The following NKAIN3 variants were observed in gnomAD, a reference collection of about 807,000 sequenced individuals.
NKAIN3 encodes sodium/potassium transporting ATPase interacting 3, also known as sodium/potassium-transporting ATPase subunit beta-1-interacting protein 3.
Under a neutral mutation model 30.2 loss-of-function variants are expected in NKAIN3, and 25 were observed. The observed-to-expected ratio is 0.83, with a 90% confidence interval of 0.60 to 1.16. NKAIN3 has a LOEUF of 1.16. Ranked by LOEUF, NKAIN3 falls within the 50% of genes most tolerant of loss-of-function variation. NKAIN3 has a pLI of 0.00. For synonymous variants in NKAIN3, 91 were observed against 89.6 expected (o/e 1.02, Z -0.09); for missense variants, 225 against 254.1 (o/e 0.89, Z 0.78).
intron 1 of NKAIN3, among the ~76,000 whole-genome samples, chr8:62,456,056 T>C (rs1447232995): frequency 1.3e-5 from 2 of 152,196 alleles, no homozygotes; most frequent in Non-Finnish European, 2.9e-5. Context: ...CAAAGCTAGA[T>C]GGCACAAAAT....
At position 62,966,548 on chromosome 8, in the gene NKAIN3, TC is replaced by T; in HGVS notation, c.*1143del. 8.4e-6 allele frequency: 2 copies of T among 237,148 alleles called. No homozygotes were observed. Among genetic ancestry groups the T allele is most frequent in the South Asian group, 1.5e-4 (1 of 6,458 alleles). 14.7% of individuals were successfully genotyped at this position (237,148 alleles called of 1,614,324 possible). ...GGCCTCAATCAAAATGCAGAACATT[TC>T]CGTCACTTTAAAAAATTCCCTTATG... On this transcript the variant is annotated 3_prime_UTR_variant, in exon 7 of 7. Coordinates refer to ENST00000623646, the MANE Select transcript of NKAIN3 (RefSeq NM_001304533.3).
intron 4 of NKAIN3, among the ~76,000 whole-genome samples, chr8:62,764,519 G>T (rs1816773427): frequency 1.3e-5 from 2 of 151,926 alleles, no homozygotes; most frequent in Non-Finnish European, 2.9e-5. Context: ...AGGCTGGAGT[G>T]CAGTGGCATG....
At chr8:62,296,149 T>C (rs1813821732) in intron 1 of NKAIN3, among the ~76,000 whole-genome samples, 1 of 152,140 alleles carries the variant, frequency 6.6e-6, no homozygotes, top group Non-Finnish European at 1.5e-5. Flanking sequence ...AAAGAAGAGT[T>C]GTTAAGGAGA....
At chr8:62,595,168 T>C (rs1337287531) in intron 3 of NKAIN3, among the ~76,000 whole-genome samples, 1 of 151,956 alleles carries the variant, frequency 6.6e-6, no homozygotes, top group East Asian at 1.9e-4. Context: ...ACTAAAGTCA[T>C]GGTTAATATT....
chr8:62,485,070 G>A (rs1033171618), intron 1 of NKAIN3, among the ~76,000 whole-genome samples: 2 of 152,162 alleles, frequency 1.3e-5, no homozygotes, highest in African/African-American at 4.8e-5. Context: ...AGGAACAACA[G>A]AGCCCTGCCC....
chr8:62,444,455 C>T (rs886957274), intron 1 of NKAIN3, among the ~76,000 whole-genome samples: 1 of 152,162 alleles, frequency 6.6e-6, no homozygotes, highest in Non-Finnish European at 1.5e-5. Flanking sequence ...ACTTTTTTAG[C>T]TTCCACCTGT....
chr8:62,900,067 GA>G (rs761332602), intron 4 of NKAIN3, among the ~76,000 whole-genome samples: 41 of 150,788 alleles, frequency 2.7e-4, no homozygotes, highest in Middle Eastern at 6.8e-3. Context: ...TACCATTCAT[GA>G]AAAAAAGTTC....
At position 62,978,778 on chromosome 8, in the gene NKAIN3, C is replaced by G. The variant is rs1735886477; in HGVS notation, c.*13371C>G. On this transcript the variant is annotated 3_prime_UTR_variant, in exon 7 of 7. Coordinates refer to ENST00000623646, the MANE Select transcript of NKAIN3 (RefSeq NM_001304533.3). Reference sequence around the variant, plus strand: ...CTCTGGGGTACGAAAAAAACTCCTACAGCTAGCTCAGTGTCTGCCCAAATG... The same window carrying G: ...CTCTGGGGTACGAAAAAAACTCCTAGAGCTAGCTCAGTGTCTGCCCAAATG... 1 of 153,160 alleles carries G rather than the reference C, an allele frequency of 6.5e-6. No individual in the cohort carries two copies. The highest frequency in any genetic ancestry group is 1.5e-5 in the Non-Finnish European group (1 of 68,230). 9.5% of individuals were successfully genotyped at this position (153,160 alleles called of 1,614,324 possible).
At chr8:62,313,504 A>G (rs1814513941) in intron 1 of NKAIN3, among the ~76,000 whole-genome samples, 1 of 152,184 alleles carries the variant, frequency 6.6e-6, no homozygotes, top group African/African-American at 2.4e-5. Flanking sequence ...ACTAGGATGT[A>G]AGTTGGAATG....
intron 1 of NKAIN3, among the ~76,000 whole-genome samples, chr8:62,317,193 G>A (rs1009393580): frequency 2.0e-5 from 3 of 152,108 alleles, no homozygotes; most frequent in African/African-American, 7.2e-5. Flanking sequence ...CAGATAAGTG[G>A]ATTGCAAAAA....
intron 3 of NKAIN3, among the ~76,000 whole-genome samples, chr8:62,746,715 G>A (rs560404538): frequency 6.6e-6 from 1 of 152,254 alleles, no homozygotes; most frequent in South Asian, 2.1e-4. Context: ...AATGTTAATA[G>A]TAATCAAAGG....
rs535778408 is a variant in NKAIN3, at chr8:62,863,422, G to A, written c.472-55031G>A. ...GTTTTGCGGCTTTATGTCAGTATGAGTAATCTTGGTCTTACTGTGTAGATA... is the reference window on the plus strand; with the variant it reads ...GTTTTGCGGCTTTATGTCAGTATGAATAATCTTGGTCTTACTGTGTAGATA... On this transcript the variant is annotated intron_variant, in intron 4 of 6. Coordinates refer to ENST00000623646, the MANE Select transcript of NKAIN3 (RefSeq NM_001304533.3). 492 of 1,551,608 alleles carry A rather than the reference G, an allele frequency of 3.2e-4. 5 individuals carry two copies. In the African/African-American group the frequency reaches 6.0e-3, roughly 19 times the overall value.
chr8:62,850,175 T>C (rs1248062812), intron 4 of NKAIN3, among the ~76,000 whole-genome samples: 1 of 152,102 alleles, frequency 6.6e-6, no homozygotes, highest in Admixed American at 6.5e-5. Flanking sequence ...TATCTCATTG[T>C]GGTTTTGATT....
chr8:62,763,824 G>C (rs1040585111), intron 4 of NKAIN3, among the ~76,000 whole-genome samples: 5 of 152,212 alleles, frequency 3.3e-5, no homozygotes, highest in Non-Finnish European at 7.3e-5. Flanking sequence ...GGGGCTTCTG[G>C]CCGATTTCAG....
intron 5 of NKAIN3, among the ~76,000 whole-genome samples, chr8:62,930,473 C>T (rs1321088002): frequency 2.6e-5 from 4 of 151,954 alleles, no homozygotes; most frequent in African/African-American, 9.7e-5. Context: ...AGGCTGGTCT[C>T]GAACTCCTGA....
intron 1 of NKAIN3, among the ~76,000 whole-genome samples, chr8:62,261,652 A>G (rs182674088): frequency 6.6e-6 from 1 of 152,316 alleles, no homozygotes; most frequent in East Asian, 1.9e-4. Context: ...GATAATCTGC[A>G]TTTTCCATTG....
rs1295073904 is a variant in NKAIN3, at chr8:62,977,857, C to G, written c.*12450C>G. 6.6e-6 allele frequency: 1 copy of G among 152,150 alleles called. No individual in the cohort carries two copies. Among genetic ancestry groups the G allele is most frequent in the African/African-American group, 2.4e-5 (1 of 41,420 alleles). The allele number at this position is 152,150 out of a possible 1,614,324, so 9.4% of individuals were successfully genotyped here. A position where few individuals can be genotyped will look rare whatever the true frequency, so the allele number is the denominator to read the frequency against. ...TCCTCATCTTTGTGGCTTTATCTAC[C>G]TTTGGTCTTTGGCATTGGTGACCTT... On this transcript the variant is annotated 3_prime_UTR_variant, in exon 7 of 7. Coordinates refer to ENST00000623646, the MANE Select transcript of NKAIN3 (RefSeq NM_001304533.3).
rs541491474 is a variant in NKAIN3, at chr8:62,749,684, T to C, written c.471+2555T>C. Among the ~76,000 whole-genome samples, 713 of 118,430 alleles carry C rather than the reference T, an allele frequency of 6.0e-3. 3 individuals carry two copies. Among genetic ancestry groups the C allele is most frequent in the African/African-American group, 0.021 (633 of 30,078 alleles). The allele number at this position is 118,430 out of a possible 152,430, so 77.7% of individuals were successfully genotyped here. A position where few individuals can be genotyped will look rare whatever the true frequency, so the allele number is the denominator to read the frequency against. On this transcript the variant is annotated intron_variant, in intron 4 of 6. Transcript: ENST00000623646. ...GAATTGTGCTTTTTTCTTTTCTTTT[T>C]TTTTTTTTTTTTTTTAAGACGGAGT...
intron 4 of NKAIN3, chr8:62,864,285 T>G (rs1276689341): frequency 1.6e-6 from 2 of 1,244,278 alleles, no homozygotes; most frequent in African/African-American, 3.0e-5. Context: ...ATGCTGAAGC[T>G]GAGGACCAGG....
Sources: gnomAD v4.1 joint callset for allele counts (sites outside exome capture counted in the v4.1 genomes callset) on GRCh38, gnomAD v4.1.1 for gene constraint, MANE v1.5 for transcripts, NCBI Gene and HGNC (gene_info 2026-07-23, HGNC 2026-07-21) for gene names.